Variants in OSBPL3 observed in about 807,000 individuals in gnomAD.
OSBPL3 encodes the protein oxysterol binding protein like 3.
OSBPL3 carries 65 observed loss-of-function variants against 120.1 expected under a neutral mutation model. The observed-to-expected ratio is 0.54, with a 90% CI of 0.44 to 0.67. The LOEUF (loss-of-function observed/expected upper bound fraction) is 0.67. OSBPL3 is among the 30% of genes least tolerant of loss of function. The pLI is 0.00. For missense variants in OSBPL3, 1,004 were observed against 1,082.1 expected, an observed-to-expected ratio of 0.93 and a Z score of 1.01; for synonymous variants, 416 against 402.6, an observed-to-expected ratio of 1.03 and a Z score of -0.40.
At position 24,867,204 on chromosome 7, in the gene OSBPL3, A is replaced by C. The variant is rs1801454384; in HGVS notation, c.382-967T>G. 1.3e-5 allele frequency among the ~76,000 whole-genome samples: 2 copies of C among 152,244 alleles called. No homozygotes were observed. Among genetic ancestry groups the C allele is most frequent in the Admixed American group, 6.5e-5 (1 of 15,284 alleles). On this transcript the variant is annotated intron_variant, in intron 5 of 22. Coordinates refer to ENST00000313367, the MANE Select transcript of OSBPL3 (RefSeq NM_015550.4). The surrounding 1 kb of genome is among the most constrained non-coding windows in gnomAD (Gnocchi z 4.5). ...TCTTAAAGCATTTCCAAGTTCTCTA[A>C]TTCCAGCTTCTCTATCCCTACTGAA...
intron 1 of OSBPL3, among the ~76,000 whole-genome samples, chr7:24,979,289 C>A (rs73691291): frequency 1.5e-4 from 22 of 148,158 alleles, no homozygotes; most frequent in African/African-American, 3.0e-4. Flanking sequence ...TGGAAACTAA[C>A]AAAAAAAAAA....
intron 14 of OSBPL3, among the ~76,000 whole-genome samples, chr7:24,839,515 G>C (rs1797429030): frequency 6.6e-6 from 1 of 152,190 alleles, no homozygotes; most frequent in African/African-American, 2.4e-5. Context: ...GTCCGTCCAA[G>C]AGATAGCCAT....
chr7:24,832,128 G>A (rs926430248), intron 15 of OSBPL3, among the ~76,000 whole-genome samples: 1 of 149,042 alleles, frequency 6.7e-6, no homozygotes, highest in African/African-American at 2.5e-5. Flanking sequence ...GACTGATTGA[G>A]CCCAGGAGGT....
chr7:24,923,562 G>C (rs1810669789), intron 1 of OSBPL3, among the ~76,000 whole-genome samples: 1 of 152,104 alleles, frequency 6.6e-6, no homozygotes, highest in Non-Finnish European at 1.5e-5. Flanking sequence ...GGGACGGCAG[G>C]GCAGAGAGAG....
intron 1 of OSBPL3, among the ~76,000 whole-genome samples, chr7:24,944,076 T>TAAAAAA (rs70942898): frequency 1.7e-5 from 2 of 118,684 alleles, no homozygotes; most frequent in African/African-American, 3.4e-5. Context: ...CAGTCTAAAG[T>TAAAAAA]AAAAAAAAAA....
intron 1 of OSBPL3, among the ~76,000 whole-genome samples, chr7:24,949,837 C>G (rs1395457510): frequency 1.3e-5 from 2 of 152,162 alleles, no homozygotes; most frequent in Admixed American, 1.3e-4. Context: ...CTGCCTCTCT[C>G]CCCGCTCCCT....
chr7:24,841,803 C>T (rs903083836), intron 13 of OSBPL3, among the ~76,000 whole-genome samples: 3 of 149,986 alleles, frequency 2.0e-5, no homozygotes, highest in South Asian at 4.2e-4. Context: ...GTCAGGAGTA[C>T]GAGTTTGAGA....
chr7:24,830,804 A>G lies in OSBPL3; in HGVS notation c.1848T>C (p.Ile616=). The change falls in exon 16 of 23, where the codon ATT becomes ATC. Residue 616 remains isoleucine (I), a synonymous_variant. Transcript: ENST00000313367. This position sits in a 1 kb window ranked among gnomAD's most constrained non-coding sequence, Gnocchi z 4.4. ...AAAACTGGAAGCCCTTGTCCTCCCG[A>G]ATACATTCATATGTTTCTCCAAGAA... is the stretch of plus-strand genomic sequence containing the variant. ...NPVLGETYEC[I]REDKGFQFFS... is the part of the protein sequence containing the mutation. 6.2e-7 allele frequency: 1 copy of G among 1,614,056 alleles called. No individual in the cohort carries two copies. Among genetic ancestry groups the G allele is most frequent in the Non-Finnish European group, 8.5e-7 (1 of 1,179,988 alleles).
chr7:24,845,174 T>C (rs1337052489), intron 12 of OSBPL3, among the ~76,000 whole-genome samples: 3 of 152,040 alleles, frequency 2.0e-5, no homozygotes, highest in Non-Finnish European at 4.4e-5. Context: ...CCTCTGTTTT[T>C]TCTACATTAA....
chr7:24,977,579 G>C (rs1228939475), intron 1 of OSBPL3, among the ~76,000 whole-genome samples: 3 of 152,082 alleles, frequency 2.0e-5, no homozygotes, highest in Non-Finnish European at 4.4e-5. Flanking sequence ...CTTACGGGCA[G>C]GGCGCGGTGG....
Position 24,834,270 on chromosome 7 carries a change from A to T in OSBPL3, c.1746+216T>A. ...AGAACTACCCCAGGCACCAAGTGCCACGGAGAAGCACCCCAACCCCGTCTC... is the reference window on the plus strand; with the variant it reads ...AGAACTACCCCAGGCACCAAGTGCCTCGGAGAAGCACCCCAACCCCGTCTC... On this transcript the variant is annotated intron_variant, in intron 15 of 22. Coordinates refer to ENST00000313367, the MANE Select transcript of OSBPL3 (RefSeq NM_015550.4). This position sits in a 1 kb window ranked among gnomAD's most constrained non-coding sequence, Gnocchi z 5.2. The T allele has an allele frequency of 7.3e-7, 1 of 1,367,816 alleles. No individual in the cohort carries two copies. Among genetic ancestry groups the T allele is most frequent in the Non-Finnish European group, 9.5e-7 (1 of 1,053,002 alleles). 84.7% of individuals were successfully genotyped at this position (1,367,816 alleles called of 1,614,324 possible). A position where few individuals can be genotyped will look rare whatever the true frequency, so the allele number is the denominator to read the frequency against.
At position 24,833,104 on chromosome 7, in the gene OSBPL3, GCCTT is replaced by G. The variant is rs1200468273; in HGVS notation, c.1746+1378_1746+1381del. On this transcript the variant is annotated intron_variant, in intron 15 of 22. Coordinates refer to ENST00000313367, the MANE Select transcript of OSBPL3 (RefSeq NM_015550.4). The surrounding 1 kb of genome is among the most constrained non-coding windows in gnomAD (Gnocchi z 4.4). ...CTTAGAAGCTATTTCTAGAAGATTT[GCCTT>G]CCTTTTATTCAGCAAAAATTATCTG... is the stretch of plus-strand genomic sequence containing the variant. Among the ~76,000 whole-genome samples the G allele has an allele frequency of 6.6e-6, 1 of 152,192 alleles. No homozygotes were observed. Among genetic ancestry groups the G allele is most frequent in the Non-Finnish European group, 1.5e-5 (1 of 68,024 alleles).
intron 2 of OSBPL3, among the ~76,000 whole-genome samples, chr7:24,882,846 C>T (rs1014888331): frequency 3.9e-5 from 6 of 152,098 alleles, no homozygotes; most frequent in African/African-American, 1.4e-4. Context: ...TTTTCATATA[C>T]TTGTTGGCCA....
Position 24,940,595 on chromosome 7 carries a change from A to G in OSBPL3, c.-150+39291T>C, listed in dbSNP as rs1003112636. 1.3e-4 allele frequency among the ~76,000 whole-genome samples: 20 copies of G among 152,252 alleles called. No individual in the cohort carries two copies. Among genetic ancestry groups the G allele is most frequent in the African/African-American group, 4.1e-4 (17 of 41,548 alleles). On this transcript the variant is annotated intron_variant, in intron 1 of 22. Transcript: ENST00000313367. The surrounding 1 kb of genome is among the most constrained non-coding windows in gnomAD (Gnocchi z 4.4). ...TTTCAGAGATAACCATCTCAAAGTG[A>G]GAGCACCAGTGTTTGGCCACTGGAG...
intron 1 of OSBPL3, among the ~76,000 whole-genome samples, chr7:24,973,423 A>C (rs1584771224): frequency 6.6e-6 from 1 of 152,338 alleles, no homozygotes; most frequent in Non-Finnish European, 1.5e-5. Flanking sequence ...ATCTAGAAAC[A>C]ACCATATTCT....
At chr7:24,969,160 C>T (rs160) in intron 1 of OSBPL3, among the ~76,000 whole-genome samples, 128,831 of 152,124 alleles carry the variant, frequency 0.85, 54,997 homozygotes, top group African/African-American at 0.95. Flanking sequence ...AACACTGTTA[C>T]CACATTTTGT....
Position 24,948,890 on chromosome 7 carries a change from C to T in OSBPL3, c.-150+30996G>A, listed in dbSNP as rs555862521. On this transcript the variant is annotated intron_variant, in intron 1 of 22. Transcript: ENST00000313367. The stretch of plus-strand genomic sequence containing the variant: ...TCAGTTGTTCGTAATAACAACACTG[C>T]TCCTAGTCAACAGAAACAGAAATTA... Among the ~76,000 whole-genome samples, 5 of 152,322 alleles carry T rather than the reference C, an allele frequency of 3.3e-5. No individual in the cohort carries two copies. In the South Asian group the frequency reaches 1.0e-3, roughly 32 times the overall value.
At chr7:24,832,513 G>GAAAA (rs1192440659) in intron 15 of OSBPL3, among the ~76,000 whole-genome samples, 1 of 103,896 alleles carries the variant, frequency 9.6e-6, no homozygotes. Context: ...CTGCCTCAAA[G>GAAAA]AAAAAAAAAA....
At position 24,868,262 on chromosome 7, in the gene OSBPL3, A is replaced by C. The variant is rs529633682; in HGVS notation, c.382-2025T>G. On this transcript the variant is annotated intron_variant, in intron 5 of 22. Transcript: ENST00000313367. ...AACCTGGGAGGGGGAGGTTGCAATA[A>C]GCCGAGATCACACCACTGCACTCCA... 1.5e-4 allele frequency among the ~76,000 whole-genome samples: 23 copies of C among 151,266 alleles called. No homozygotes were observed. In the East Asian group the frequency reaches 4.3e-3, roughly 28 times the overall value.
Sources: gnomAD v4.1 joint callset for allele counts (sites outside exome capture counted in the v4.1 genomes callset) on GRCh38, gnomAD v4.1.1 for gene constraint, Gnocchi (gnomAD v3.1) non-coding constraint, MANE v1.5 for transcripts, NCBI Gene and HGNC (gene_info 2026-07-23, HGNC 2026-07-21) for gene names.